Variants in CSMD1 observed in about 807,000 individuals in gnomAD.
The protein encoded by CSMD1 is CUB and sushi domain-containing protein 1.
A neutral mutation model predicts 417.5 loss-of-function variants in CSMD1; 213 were observed. That is an observed-to-expected ratio of 0.51 (90% CI 0.46 to 0.57). The LOEUF (loss-of-function observed/expected upper bound fraction) is 0.57, where lower values mean the gene tolerates loss of function less well. CSMD1 is among the 20% of genes least tolerant of loss of function. The pLI is 0.00. For missense variants in CSMD1, 6,923 were observed against 4,529.7 expected (o/e 1.53, Z -15.17); for synonymous variants, 2,862 against 1,736.8 (o/e 1.65, Z -16.11).
intron 5 of CSMD1, among the ~76,000 whole-genome samples, chr8:3,843,386 A>C (rs1052910140): frequency 3.3e-5 from 5 of 152,204 alleles, no homozygotes; most frequent in African/African-American, 1.2e-4. Flanking sequence ...TGTAATTATA[A>C]GCAAAGATAT....
chr8:3,100,166 C>T (rs899681892), intron 46 of CSMD1, among the ~76,000 whole-genome samples: 2 of 152,152 alleles, frequency 1.3e-5, no homozygotes, highest in Non-Finnish European at 2.9e-5. Context: ...ATCCTCCCAC[C>T]TCAGCTGCCC....
At chr8:3,024,715 A>G (rs1217213282) in intron 51 of CSMD1, among the ~76,000 whole-genome samples, 1 of 152,206 alleles carries the variant, frequency 6.6e-6, no homozygotes, top group African/African-American at 2.4e-5. Flanking sequence ...CTCTGATACT[A>G]TTAAGTGACT....
intron 10 of CSMD1, among the ~76,000 whole-genome samples, chr8:3,533,899 T>A (rs1359410169): frequency 6.6e-6 from 1 of 152,230 alleles, no homozygotes; most frequent in Non-Finnish European, 1.5e-5. Flanking sequence ...TATCAGCTCG[T>A]CATTCACCAA....
At chr8:4,372,927 G>C (rs928527496) in intron 3 of CSMD1, among the ~76,000 whole-genome samples, 3 of 152,204 alleles carry the variant, frequency 2.0e-5, no homozygotes, top group Non-Finnish European at 4.4e-5. Flanking sequence ...AGCATGAGTA[G>C]CACATAGTGA....
intron 2 of CSMD1, among the ~76,000 whole-genome samples, chr8:4,436,735 T>C (rs1342823669): frequency 6.6e-6 from 1 of 152,182 alleles, no homozygotes; most frequent in African/African-American, 2.4e-5. Context: ...TTAATTGTTT[T>C]GATTTTTAGA....
At chr8:4,924,531 T>C (rs1345023448) in intron 1 of CSMD1, among the ~76,000 whole-genome samples, 1 of 152,116 alleles carries the variant, frequency 6.6e-6, no homozygotes, top group Non-Finnish European at 1.5e-5. Context: ...GAGACCAGCC[T>C]GGCCAACATG....
intron 3 of CSMD1, among the ~76,000 whole-genome samples, chr8:4,041,601 G>C (rs897301073): frequency 2.6e-5 from 4 of 152,042 alleles, no homozygotes; most frequent in Admixed American, 2.6e-4. Flanking sequence ...CAATCAAAAA[G>C]TAATAAGCAC....
At chr8:3,616,835 T>G (rs749807671) in intron 7 of CSMD1, 38 bp from the exon 8 acceptor site, 49 of 1,431,620 alleles carry the variant, frequency 3.4e-5, no homozygotes, top group Non-Finnish European at 4.4e-5. Flanking sequence ...TGCTGTATAG[T>G]TATTGAGGAA....
chr8:3,987,095 G>C (rs541523690), intron 5 of CSMD1, among the ~76,000 whole-genome samples: 7 of 152,170 alleles, frequency 4.6e-5, no homozygotes, highest in Non-Finnish European at 7.4e-5. Flanking sequence ...GAAAACGATG[G>C]GTTCCTTTCT....
intron 1 of CSMD1, among the ~76,000 whole-genome samples, chr8:4,908,475 A>T (rs550927110): frequency 6.6e-6 from 1 of 152,192 alleles, no homozygotes; most frequent in South Asian, 2.1e-4. Context: ...TTAGTATTCC[A>T]ATGAATTTTA....
chr8:3,806,483 C>A (rs917568336), intron 5 of CSMD1, among the ~76,000 whole-genome samples: 1 of 152,174 alleles, frequency 6.6e-6, no homozygotes, highest in African/African-American at 2.4e-5. Flanking sequence ...ATAACTGAGT[C>A]TCCAAAAGAA....
intron 5 of CSMD1, among the ~76,000 whole-genome samples, chr8:3,939,438 G>A (rs1170152165): frequency 6.6e-6 from 1 of 152,144 alleles, no homozygotes; most frequent in Non-Finnish European, 1.5e-5. Context: ...CAACTACTAT[G>A]AAAGACAGTA....
intron 5 of CSMD1, among the ~76,000 whole-genome samples, chr8:3,976,919 T>A (rs1221869368): frequency 6.6e-6 from 1 of 152,132 alleles, no homozygotes; most frequent in Non-Finnish European, 1.5e-5. Context: ...TGTTAGCCAT[T>A]TACATAGTGT....
rs140924126 is a variant in CSMD1, at chr8:4,717,563, T to C, written c.86-80005A>G. Among the ~76,000 whole-genome samples, 64 of 137,264 alleles carry C rather than the reference T, an allele frequency of 4.7e-4. No homozygotes were observed. In the South Asian group the frequency reaches 7.6e-3, roughly 16 times the overall value. The allele number at this position is 137,264 out of a possible 152,430, so 90.1% of individuals were successfully genotyped here. Reference sequence around the variant, plus strand: ...CTGTCTGTCTACCTATCTATCTATCTATCCATCCATCCATCCATCCATACA... The same window carrying C: ...CTGTCTGTCTACCTATCTATCTATCCATCCATCCATCCATCCATCCATACA... On this transcript the variant is annotated intron_variant, in intron 1 of 69. Coordinates refer to ENST00000635120, the MANE Select transcript of CSMD1 (RefSeq NM_033225.6).
intron 17 of CSMD1, among the ~76,000 whole-genome samples, chr8:3,391,429 A>C (rs1324188805): frequency 6.6e-6 from 1 of 152,242 alleles, no homozygotes; most frequent in Non-Finnish European, 1.5e-5. Flanking sequence ...TTACAAAATT[A>C]TGACAATTTT....
At chr8:4,429,555 T>C (rs932309953) in intron 2 of CSMD1, among the ~76,000 whole-genome samples, 1 of 152,122 alleles carries the variant, frequency 6.6e-6, no homozygotes, top group Non-Finnish European at 1.5e-5. Flanking sequence ...GTGAGACTCA[T>C]TACAGAAGGA....
intron 5 of CSMD1, among the ~76,000 whole-genome samples, chr8:3,825,892 T>C (rs1364541675): frequency 6.6e-6 from 1 of 152,194 alleles, no homozygotes; most frequent in African/African-American, 2.4e-5. Context: ...AACCAAGGTA[T>C]CATGACAAAA....
chr8:2,978,608 T>C lies in CSMD1; in HGVS notation c.8566+4A>G. 1 of 1,578,852 alleles carries C rather than the reference T, an allele frequency of 6.3e-7. No individual in the cohort carries two copies. The highest frequency in any genetic ancestry group is 8.6e-7 in the Non-Finnish European group (1 of 1,161,774). On this transcript the variant is annotated splice_donor_region_variant and intron_variant, in intron 55 of 69. Transcript: ENST00000635120. ...CACAGAAATTGGGAATAACCCTGAC[T>C]TACCCAAACACTTGGGCAGGGATCG...
At chr8:4,077,308 T>C (rs983258278) in intron 3 of CSMD1, among the ~76,000 whole-genome samples, 1 of 120,304 alleles carries the variant, frequency 8.3e-6, no homozygotes, top group African/African-American at 2.9e-5. Context: ...TATATATATA[T>C]ATATATATAT....
Sources: gnomAD v4.1 joint callset for allele counts (sites outside exome capture counted in the v4.1 genomes callset) on GRCh38, gnomAD v4.1.1 for gene constraint, MANE v1.5 for transcripts, NCBI Gene and HGNC (gene_info 2026-07-23, HGNC 2026-07-21) for gene names.